The following SYTL2 variants were observed in gnomAD, a reference collection of about 807,000 sequenced individuals.
SYTL2 encodes synaptotagmin like 2.
SYTL2 carries 165 observed loss-of-function variants against 198.7 expected under a neutral mutation model. The ratio of observed to expected loss-of-function variants is 0.83; its 90% CI spans 0.73 to 0.94. The LOEUF (loss-of-function observed/expected upper bound fraction) is 0.94, where lower values mean the gene tolerates loss of function less well. Ranked by LOEUF, SYTL2 falls within the 40% of genes least tolerant of loss-of-function variation. SYTL2 has a pLI of 0.00. For missense variants in SYTL2, 2,835 were observed against 2,582.8 expected (o/e 1.10, Z -2.12); for synonymous variants, 966 against 917.7 (o/e 1.05, Z -0.95).
chr11:85,793,024 A>G (rs1221483370), intron 1 of SYTL2, among the ~76,000 whole-genome samples: 1 of 151,908 alleles, frequency 6.6e-6, no homozygotes, highest in African/African-American at 2.4e-5. Flanking sequence ...AATCCAGTCT[A>G]TCATTGTTGA....
the SYTL2 span, among the ~76,000 whole-genome samples, chr11:85,851,117 G>A: frequency 2.6e-5 from 4 of 151,758 alleles, no homozygotes; most frequent in African/African-American, 9.7e-5. Context: ...CATGGCACAT[G>A]TATACATATG....
the SYTL2 span, among the ~76,000 whole-genome samples, chr11:85,835,131 T>A: frequency 6.6e-6 from 1 of 152,196 alleles, no homozygotes; most frequent in East Asian, 1.9e-4. Flanking sequence ...CCATCATAAG[T>A]TGAGGAATAT....
intron 6 of SYTL2, among the ~76,000 whole-genome samples, chr11:85,735,550 A>G (rs2090256075): frequency 1.3e-5 from 2 of 152,182 alleles, no homozygotes; most frequent in Admixed American, 6.5e-5. Context: ...TGAGTCCAGG[A>G]GTTTGAGACC....
At chr11:85,801,321 G>T (rs1226602337) in intron 1 of SYTL2, among the ~76,000 whole-genome samples, 2 of 152,088 alleles carry the variant, frequency 1.3e-5, no homozygotes, top group African/African-American at 4.8e-5. Context: ...CAATCATTTT[G>T]CCAGAAACAC....
chr11:85,799,991 T>C (rs548326798), intron 1 of SYTL2, among the ~76,000 whole-genome samples: 1 of 152,326 alleles, frequency 6.6e-6, no homozygotes, highest in African/African-American at 2.4e-5. Flanking sequence ...TTAAAGAGAA[T>C]AGCAAGAGAT....
intron 3 of SYTL2, 42 bp from the exon 4 acceptor site, chr11:85,745,814 C>T (rs1294318409): frequency 1.3e-5 from 20 of 1,576,206 alleles, no homozygotes; most frequent in Non-Finnish European, 1.7e-5. Flanking sequence ...TATCTCTCAC[C>T]TCCATGACCT....
chr11:85,733,276 C>T (rs1429712521), intron 7 of SYTL2, among the ~76,000 whole-genome samples: 1 of 152,074 alleles, frequency 6.6e-6, no homozygotes, highest in Non-Finnish European at 1.5e-5. Context: ...ATACATTTAC[C>T]CTGTACAAAG....
Position 85,726,389 on chromosome 11 carries a change from T to C in SYTL2, c.2969A>G (p.Asp990Gly). Residue 990 changes from aspartate to glycine, a missense_variant, in exon 8 of 20, where the codon GAC (aspartate) becomes GGC (glycine). Physicochemically the swap from Asp to Gly is moderately conservative, Grantham distance 94 (BLOSUM62 -1). Transcript: ENST00000359152. ...CTTACTGTTTGAATTAGCTTCTAAG[T>C]CCCAAAACTTTCTCAAATTCTCAAA... is the stretch of plus-strand genomic sequence containing the variant. ...SQFENLRKFWDLEANSNSKDN... is the reference protein window; with the variant it reads ...SQFENLRKFWGLEANSNSKDN... 6.2e-7 allele frequency: 1 copy of C among 1,613,436 alleles called. No individual in the cohort carries two copies. Among genetic ancestry groups the C allele is most frequent in the Non-Finnish European group, 8.5e-7 (1 of 1,179,848 alleles).
intron 7 of SYTL2, among the ~76,000 whole-genome samples, chr11:85,733,179 T>G (rs912675065): frequency 3.9e-5 from 6 of 152,164 alleles, no homozygotes; most frequent in African/African-American, 1.2e-4. Flanking sequence ...CCTTTGACAC[T>G]AAGAAAGTGA....
chr11:85,725,666 T>C lies in SYTL2; in HGVS notation c.3692A>G (p.Lys1231Arg), dbSNP rs1393756271. The C allele has an allele frequency of 1.9e-6, 3 of 1,614,080 alleles. No homozygotes were observed. Among genetic ancestry groups the C allele is most frequent in the Non-Finnish European group, 2.5e-6 (3 of 1,180,004 alleles). The change falls in exon 8 of 20, where the codon AAG becomes AGG. Residue 1231 changes from lysine (K) to arginine (R), a missense_variant. Lys to Arg is a conservative substitution (Grantham distance 26, BLOSUM62 2). This residue lies in a region of SYTL2 where 2,645 missense variants were observed against 2,381.7 expected (regional missense o/e 1.11). Coordinates refer to ENST00000359152, the MANE Select transcript of SYTL2 (RefSeq NM_206927.4). ...GGTTCCAGTGATAACAGGCGCCAAC[T>C]TGGCTTGCAAGGGAGAGGGTGAAGT... is the stretch of plus-strand genomic sequence containing the variant. ...TGTSPSPLQA[K>R]LAPVITGTNS... is the part of the protein sequence containing the mutation.
chr11:85,721,783 C>A (rs1591725562), intron 8 of SYTL2, among the ~76,000 whole-genome samples: 3 of 152,286 alleles, frequency 2.0e-5, no homozygotes, highest in East Asian at 3.9e-4. Context: ...CATTCCATAG[C>A]AAATGGATTC....
Position 85,709,364 on chromosome 11 carries a change from G to C in SYTL2, c.5882C>G (p.Ala1961Gly), listed in dbSNP as rs149867714. ...HVFVAQCKDL[A>G]AADVKKQRSD... ...ACGCTGTTTTTTTACATCCGCTGCT[G>C]CTAAGTCCTTACACTGGGCCACAAA... Residue 1961 changes from alanine (A) to glycine (G), a missense_variant, in exon 14 of 20, where the codon GCA becomes GGA. Physicochemically the swap from Ala to Gly is moderately conservative, Grantham distance 60 (BLOSUM62 0). Coordinates refer to ENST00000359152, the MANE Select transcript of SYTL2 (RefSeq NM_206927.4). 1.2e-6 allele frequency: 2 copies of C among 1,613,978 alleles called. No individual in the cohort carries two copies. Among genetic ancestry groups the C allele is most frequent in the African/African-American group, 2.7e-5 (2 of 74,878 alleles).
rs2093010347 is a variant in SYTL2 at position 85,810,050 on chromosome 11, C to A, written c.-390+904G>T. 2.0e-5 allele frequency among the ~76,000 whole-genome samples: 3 copies of A among 152,334 alleles called. No individual in the cohort carries two copies. In the South Asian group the frequency reaches 6.2e-4, roughly 32 times the overall value. The stretch of plus-strand genomic sequence containing the variant: ...GGACGGGAAGCTGGATGGCAGTTTG[C>A]ATCCACCCCACCTTCCAGGGTCTAT... On this transcript the variant is annotated intron_variant, in intron 1 of 19. Coordinates refer to ENST00000359152, the MANE Select transcript of SYTL2 (RefSeq NM_206927.4).
At chr11:85,720,371 G>A (rs2088110037) in intron 9 of SYTL2, among the ~76,000 whole-genome samples, 2 of 152,134 alleles carry the variant, frequency 1.3e-5, no homozygotes, top group South Asian at 2.1e-4. Context: ...CAGATCTTCC[G>A]TGTAATACTA....
chr11:85,718,680 A>C (rs1004706298), intron 10 of SYTL2, 110 bp downstream of exon 10: 1 of 888,100 alleles, frequency 1.1e-6, no homozygotes, highest in African/African-American at 1.7e-5. Flanking sequence ...TTCACCACAT[A>C]GTGGCAAATG....
intron 12 of SYTL2, 105 bp from the exon 13 acceptor site, chr11:85,711,337 C>A (rs527817471): frequency 1.2e-5 from 15 of 1,256,706 alleles, no homozygotes; most frequent in Non-Finnish European, 1.7e-5. Context: ...CTGACATTTA[C>A]GCAAGGTCAA....
chr11:85,711,119 C>A lies in SYTL2; in HGVS notation c.5739G>T (p.Leu1913Phe). The change falls in exon 13 of 20, where the codon TTG (leucine) becomes TTT (phenylalanine). Residue 1913 changes from leucine (L) to phenylalanine (F), a missense_variant. By Grantham distance (22) the Leu-to-Phe change is conservative. This residue lies in a region of SYTL2 where 2,645 missense variants were observed against 2,381.7 expected (regional missense o/e 1.11). Coordinates refer to ENST00000359152, the MANE Select transcript of SYTL2 (RefSeq NM_206927.4). ...NLSSSSGMTS[L>F]SSVSGSVMSV... ...GGAGCCTTTGTTTACATACAGAAGACAAGGACGTCATGCCAGAGGAGCTGC... is the reference window on the plus strand; with the variant it reads ...GGAGCCTTTGTTTACATACAGAAGAAAAGGACGTCATGCCAGAGGAGCTGC... 1 of 1,613,968 alleles carries A rather than the reference C, an allele frequency of 6.2e-7. No individual in the cohort carries two copies. The highest frequency in any genetic ancestry group is 8.5e-7 in the Non-Finnish European group (1 of 1,179,930).
At chr11:85,787,603 C>T (rs1313198345) in intron 1 of SYTL2, among the ~76,000 whole-genome samples, 1 of 151,756 alleles carries the variant, frequency 6.6e-6, no homozygotes, top group Non-Finnish European at 1.5e-5. Flanking sequence ...GACTGTACCG[C>T]AAGTCCTCTC....
chr11:85,808,717 A>G (rs1203017326), intron 1 of SYTL2, among the ~76,000 whole-genome samples: 1 of 152,222 alleles, frequency 6.6e-6, no homozygotes, highest in Admixed American at 6.5e-5. Flanking sequence ...TTATGAAATC[A>G]AATGAAAAAA....
Sources: allele counts gnomAD v4.1 joint callset (sites outside exome capture counted in the v4.1 genomes callset), GRCh38; gene constraint gnomAD v4.1.1; regional missense constraint gnomAD v4.1.1; transcripts MANE v1.5; gene names NCBI Gene and HGNC (gene_info 2026-07-23, HGNC 2026-07-21).